The following PSD3 variants were observed in gnomAD, a reference collection of about 807,000 sequenced individuals.
The protein encoded by PSD3 is PH and SEC7 domain-containing protein 3.
PSD3 carries 49 observed loss-of-function variants against 105.5 expected under a neutral mutation model. The observed-to-expected ratio is 0.46, with a 90% CI of 0.37 to 0.59. The LOEUF (loss-of-function observed/expected upper bound fraction) is 0.59, where lower values mean the gene tolerates loss of function less well. Ranked by LOEUF, PSD3 falls within the 20% of genes least tolerant of loss-of-function variation. PSD3 has a pLI of 0.00. For missense variants in PSD3, 1,561 were observed against 1,263.8 expected (o/e 1.24, Z -3.57); for synonymous variants, 557 against 457.8 (o/e 1.22, Z -2.77).
chr8:18,738,477 T>C (rs1319201303), intron 9 of PSD3, among the ~76,000 whole-genome samples: 17 of 152,208 alleles, frequency 1.1e-4, no homozygotes, highest in Non-Finnish European at 2.5e-4. Context: ...CTGTGAATAG[T>C]TGCTTTTCCT....
chr8:18,872,294 G>T lies in PSD3; in HGVS notation c.570C>A (p.Gly190=). Residue 190 remains glycine (G), a synonymous_variant, in exon 3 of 16, where the codon GGC becomes GGA. Transcript: ENST00000327040. ...GAGGTATTTCTGGTAAATTTTTTTG[G>T]CCAGCAGGGAGCGTTTTGTTGACTC... is the stretch of plus-strand genomic sequence containing the variant. ...TQRVNKTLPA[G]QKNLPEIPLS... The T allele has an allele frequency of 6.2e-7, 1 of 1,614,110 alleles. No homozygotes were observed. The highest frequency in any genetic ancestry group is 8.5e-7 in the Non-Finnish European group (1 of 1,180,020).
intron 9 of PSD3, among the ~76,000 whole-genome samples, chr8:18,706,686 G>A (rs1457428931): frequency 6.6e-6 from 1 of 152,206 alleles, no homozygotes; most frequent in African/African-American, 2.4e-5. Flanking sequence ...CTAATGAACT[G>A]TGAGGTTTGT....
At chr8:18,774,829 C>A in intron 8 of PSD3, 1 of 452,916 alleles carries the variant, frequency 2.2e-6, no homozygotes, top group Non-Finnish European at 4.4e-6. Context: ...CGACATACAT[C>A]TGGGACAGGT....
intron 1 of PSD3, among the ~76,000 whole-genome samples, chr8:18,939,101 G>C (rs1469395499): frequency 1.3e-5 from 2 of 152,188 alleles, no homozygotes; most frequent in Non-Finnish European, 2.9e-5. Context: ...TACAGCAAAA[G>C]TTTCAAGAAA....
intron 2 of PSD3, among the ~76,000 whole-genome samples, chr8:18,914,476 TC>T: frequency 6.6e-6 from 1 of 151,864 alleles, no homozygotes; most frequent in Non-Finnish European, 1.5e-5. Flanking sequence ...TCCTAAAGAG[TC>T]CACCAAAAAA....
chr8:18,566,696 C>A (rs1017104372), intron 14 of PSD3, among the ~76,000 whole-genome samples: 5 of 152,048 alleles, frequency 3.3e-5, no homozygotes, highest in Admixed American at 2.0e-4. Flanking sequence ...GATACGGTTA[C>A]CTTGTCTTAC....
At chr8:18,793,311 T>TA (rs1413876978) in intron 8 of PSD3, among the ~76,000 whole-genome samples, 4 of 138,612 alleles carry the variant, frequency 2.9e-5, no homozygotes, top group Non-Finnish European at 6.2e-5. Flanking sequence ...CCCTAGAACT[T>TA]AAAGTATAAT....
chr8:18,558,977 G>C (rs1410862564), intron 14 of PSD3, among the ~76,000 whole-genome samples: 7 of 151,986 alleles, frequency 4.6e-5, no homozygotes, highest in Admixed American at 4.6e-4. Context: ...TTTAAACATT[G>C]CATAGTACCC....
chr8:18,606,220 C>T (rs927810468), intron 11 of PSD3, among the ~76,000 whole-genome samples: 3 of 152,208 alleles, frequency 2.0e-5, no homozygotes, highest in African/African-American at 7.2e-5. Context: ...TCTAACTTCT[C>T]ACTTCATTCC....
chr8:18,804,659 C>G (rs952664290), intron 5 of PSD3, 45 bp downstream of exon 5: 2 of 1,611,720 alleles, frequency 1.2e-6, no homozygotes, highest in East Asian at 2.2e-5. Flanking sequence ...AAAACACACA[C>G]AAAACAGGAG....
intron 1 of PSD3, among the ~76,000 whole-genome samples, chr8:18,992,417 C>T (rs1825856108): frequency 6.6e-6 from 1 of 152,138 alleles, no homozygotes; most frequent in African/African-American, 2.4e-5. Context: ...GTCTGGCACA[C>T]ACCTCAATAA....
intron 14 of PSD3, among the ~76,000 whole-genome samples, chr8:18,571,039 T>A (rs528537064): frequency 1.3e-5 from 2 of 152,116 alleles, no homozygotes; most frequent in South Asian, 4.2e-4. Flanking sequence ...TTTGTATTTT[T>A]TACTAGAGAC....
At chr8:18,798,893 C>A (rs925968764) in intron 8 of PSD3, among the ~76,000 whole-genome samples, 6 of 152,098 alleles carry the variant, frequency 3.9e-5, no homozygotes, top group Admixed American at 1.3e-4. Context: ...ACAAGAAAGG[C>A]TGAGTTATTC....
intron 4 of PSD3, among the ~76,000 whole-genome samples, chr8:18,863,320 T>C (rs986377214): frequency 1.3e-5 from 2 of 152,176 alleles, no homozygotes; most frequent in Admixed American, 6.5e-5. Flanking sequence ...AAGGAACCCA[T>C]TGAAACGTGT....
intron 9 of PSD3, chr8:18,720,995 C>T (rs1252509914): frequency 6.6e-6 from 1 of 152,098 alleles, no homozygotes; most frequent in Non-Finnish European, 1.5e-5. Flanking sequence ...AAAGGTTCAT[C>T]TGTCAATGTG....
At chr8:18,836,758 T>A (rs912488715) in intron 4 of PSD3, among the ~76,000 whole-genome samples, 2 of 152,050 alleles carry the variant, frequency 1.3e-5, no homozygotes, top group African/African-American at 4.8e-5. Flanking sequence ...GCTATGACAA[T>A]AATTGTTTTT....
At chr8:18,856,047 T>G (rs144025682) in intron 4 of PSD3, among the ~76,000 whole-genome samples, 30 of 152,044 alleles carry the variant, frequency 2.0e-4, no homozygotes, top group Non-Finnish European at 3.8e-4. Context: ...CACTCTCAAG[T>G]CCCCAAATCC....
Position 19,013,567 on chromosome 8 carries a change from G to T in PSD3, c.17C>A (p.Ala6Glu), listed in dbSNP as rs1365483996. 9 of 1,553,132 alleles carry T rather than the reference G, an allele frequency of 5.8e-6. No homozygotes were observed. The highest frequency in any genetic ancestry group is 6.9e-6 in the Non-Finnish European group (8 of 1,158,562). Residue 6 changes from alanine to glutamate, a missense_variant, in exon 1 of 16, where the codon GCA becomes GAA. Ala to Glu is a moderately radical substitution (Grantham distance 107, BLOSUM62 -1). Transcript: ENST00000327040. ...CGCCCCGGCCCCGGAGCTCACCGCTGCGCTCCTTCCTTCCATCTTCCATCG... is the reference window on the plus strand; with the variant it reads ...CGCCCCGGCCCCGGAGCTCACCGCTTCGCTCCTTCCTTCCATCTTCCATCG... MEGRS[A>E]AAETFVWVNN... is the part of the protein sequence containing the mutation.
intron 1 of PSD3, among the ~76,000 whole-genome samples, chr8:19,020,998 C>A (rs1178545606): frequency 6.6e-6 from 1 of 152,038 alleles, no homozygotes; most frequent in Non-Finnish European, 1.5e-5. Context: ...ATTCAGGGGA[C>A]AGGTAGGAGT....
Sources: allele counts gnomAD v4.1 joint callset (sites outside exome capture counted in the v4.1 genomes callset), GRCh38; gene constraint gnomAD v4.1.1; transcripts MANE v1.5; gene names NCBI Gene and HGNC (gene_info 2026-07-23, HGNC 2026-07-21).